FCGR2A: variants seen among roughly 807,000 people sequenced by gnomAD.
FCGR2A encodes the protein low affinity immunoglobulin gamma Fc region receptor II-a.
Under a neutral mutation model 29.3 loss-of-function variants are expected in FCGR2A, and 18 were observed. That is an observed-to-expected ratio of 0.62 (90% CI 0.43 to 0.91). The LOEUF is 0.91. FCGR2A is among the 40% of genes least tolerant of loss of function. The pLI, the probability that FCGR2A is intolerant of heterozygous loss-of-function variation, is 0.00. For synonymous variants in FCGR2A, 126 were observed against 144.8 expected, an observed-to-expected ratio of 0.87 and a Z score of 0.93; for missense variants, 287 against 393.0, an observed-to-expected ratio of 0.73 and a Z score of 2.28.
chr1:161,508,541 C>T (rs1021839769), intron 3 of FCGR2A, among the ~76,000 whole-genome samples: 2 of 149,766 alleles, frequency 1.3e-5, no homozygotes, highest in Admixed American at 6.7e-5. Flanking sequence ...GAGCCGAGAT[C>T]GCGCCATTCC....
At chr1:161,506,060 G>T in intron 2 of FCGR2A, 53 bp downstream of exon 2, 4 of 1,581,132 alleles carry the variant, frequency 2.5e-6, no homozygotes, top group Non-Finnish European at 3.5e-6. Context: ...CTCATAATAT[G>T]ATGCTGTGTT....
intron 6 of FCGR2A, among the ~76,000 whole-genome samples, chr1:161,516,762 G>T (rs1159082099): frequency 6.9e-6 from 1 of 145,854 alleles, no homozygotes; most frequent in South Asian, 2.2e-4. Flanking sequence ...CATTTTCTTT[G>T]AAGTTTTATT....
At position 161,506,437 on chromosome 1, in the gene FCGR2A, C is replaced by G. The variant is rs148868087; in HGVS notation, c.210C>G (p.Ser70Arg). ...GCCAGGGGGCTCGCAGCCCTGAGAG[C>G]GACTCCATTCAGTGGTTCCACAATG... is the stretch of plus-strand genomic sequence containing the variant. ...LTCQGARSPE[S>R]DSIQWFHNGN... Residue 70 changes from serine (S) to arginine (R), a missense_variant, in exon 3 of 7, where the codon AGC becomes AGG. Transcript: ENST00000271450. The G allele has an allele frequency of 3.4e-5, 55 of 1,614,080 alleles. No homozygotes were observed. Among genetic ancestry groups the G allele is most frequent in the Non-Finnish European group, 4.6e-5 (54 of 1,180,034 alleles).
downstream of FCGR2A, among the ~76,000 whole-genome samples, chr1:161,521,226 C>T (rs1489267876): frequency 2.6e-5 from 4 of 151,868 alleles, no homozygotes; most frequent in African/African-American, 9.7e-5. Flanking sequence ...TTCCCCACTC[C>T]TCTCATTAGA....
At chr1:161,515,197 A>T (rs952729980) in intron 6 of FCGR2A, among the ~76,000 whole-genome samples, 2 of 151,988 alleles carry the variant, frequency 1.3e-5, no homozygotes, top group Non-Finnish European at 2.9e-5. Flanking sequence ...AGAATGATTT[A>T]AAAAAATAGT....
At chr1:161,522,342 A>G (rs557694509), downstream of FCGR2A, among the ~76,000 whole-genome samples, 5 of 152,276 alleles carry the variant, frequency 3.3e-5, no homozygotes, top group South Asian at 8.3e-4. Flanking sequence ...GAAGAGATCA[A>G]TTAAAAAGAA....
At chr1:161,505,647 G>GA in intron 1 of FCGR2A, 95 bp downstream of exon 1, 1 of 993,412 alleles carries the variant, frequency 1.0e-6, no homozygotes. Flanking sequence ...CTGGGCCCTG[G>GA]AAGCAGGGGA....
At position 161,506,546 on chromosome 1, in the gene FCGR2A, G is replaced by A. The variant is rs1378057513; in HGVS notation, c.319G>A (p.Gly107Ser). 1.9e-6 allele frequency: 3 copies of A among 1,614,200 alleles called. No individual in the cohort carries two copies. Among genetic ancestry groups the A allele is most frequent in the Admixed American group, 3.3e-5 (2 of 60,028 alleles). ...NDSGEYTCQT[G>S]QTSLSDPVHL... Reference sequence around the variant, plus strand: ...CAGCGGGGAGTACACGTGCCAGACTGGCCAGACCAGCCTCAGCGACCCTGT... The same window carrying A: ...CAGCGGGGAGTACACGTGCCAGACTAGCCAGACCAGCCTCAGCGACCCTGT... The change falls in exon 3 of 7, where the codon GGC (glycine) becomes AGC (serine). Residue 107 changes from glycine to serine, a missense_variant. Around this residue, in one of 3 missense-constraint regions of FCGR2A, gnomAD observed 181 missense variants for 250.9 expected, o/e 0.72. Coordinates refer to ENST00000271450, the MANE Select transcript of FCGR2A (RefSeq NM_001136219.3).
At chr1:161,523,085 C>T (rs1262733597), downstream of FCGR2A, 1 of 152,114 alleles carries the variant, frequency 6.6e-6, no homozygotes, top group Non-Finnish European at 1.5e-5. Context: ...TAACACACTG[C>T]TAAATTGTAA....
intron 4 of FCGR2A, among the ~76,000 whole-genome samples, chr1:161,510,580 T>A (rs1675708836): frequency 6.6e-6 from 1 of 152,276 alleles, no homozygotes; most frequent in Non-Finnish European, 1.5e-5. Context: ...TCCTGCATGC[T>A]CACCAGTGTG....
intron 3 of FCGR2A, 43 bp from the exon 4 acceptor site, chr1:161,509,777 A>G (rs1200956195): frequency 1.9e-6 from 3 of 1,611,966 alleles, no homozygotes; most frequent in Non-Finnish European, 1.7e-6. Context: ...AACCCTTGGA[A>G]TCTATCCTTA....
chr1:161,521,501 T>TTATATA (rs11414193), downstream of FCGR2A, among the ~76,000 whole-genome samples: 27 of 150,888 alleles, frequency 1.8e-4, 1 homozygote, highest in African/African-American at 5.4e-4. Context: ...TCACTGACTT[T>TTATATA]TATATATATA....
chr1:161,509,553 T>A (rs1447649449), intron 3 of FCGR2A, among the ~76,000 whole-genome samples: 1 of 152,258 alleles, frequency 6.6e-6, no homozygotes, highest in Non-Finnish European at 1.5e-5. Flanking sequence ...CTCATTTCTC[T>A]ACTCAAACGT....
At chr1:161,521,805 C>G (rs1571992735), downstream of FCGR2A, among the ~76,000 whole-genome samples, 1 of 152,202 alleles carries the variant, frequency 6.6e-6, no homozygotes, top group East Asian at 1.9e-4. Flanking sequence ...CCACGTGGAA[C>G]TGTAAGTCCA....
At chr1:161,510,108 G>A in intron 4 of FCGR2A, 34 bp downstream of exon 4, 1 of 1,610,988 alleles carries the variant, frequency 6.2e-7, no homozygotes, top group South Asian at 1.1e-5. Flanking sequence ...AGGGAGGGGA[G>A]AAGAGGGGAT....
intron 5 of FCGR2A, among the ~76,000 whole-genome samples, 169 bp from the exon 6 acceptor site, chr1:161,513,726 G>A (rs1675962746): frequency 2.6e-5 from 4 of 152,220 alleles, no homozygotes; most frequent in Admixed American, 2.6e-4. Context: ...TGACCCCAAG[G>A]GTGGGTACAT....
chr1:161,517,709 G>A (rs1676229577), intron 6 of FCGR2A, among the ~76,000 whole-genome samples: 2 of 152,016 alleles, frequency 1.3e-5, no homozygotes, highest in African/African-American at 4.8e-5. Context: ...TTGATTTTTA[G>A]TCTGTTCTGT....
In FCGR2A at chr1:161,518,162, G is replaced by A. The variant is rs776934694; in HGVS notation, c.*14G>A. 5.0e-6 allele frequency: 8 copies of A among 1,611,966 alleles called. No individual in the cohort carries two copies. In the African/African-American group the frequency reaches 1.1e-4, roughly 22 times the overall value. On this transcript the variant is annotated 3_prime_UTR_variant, in exon 7 of 7. Coordinates refer to ENST00000271450, the MANE Select transcript of FCGR2A (RefSeq NM_001136219.3). ...AGTAATAACTAAAGAGTAACGTTAT[G>A]CCATGTGGTCATACTCTCAGCTTGC...
intron 4 of FCGR2A, 89 bp from the exon 5 acceptor site, chr1:161,510,745 A>C: frequency 6.5e-7 from 1 of 1,526,734 alleles, no homozygotes; most frequent in Non-Finnish European, 9.0e-7. Flanking sequence ...GGGACATAGC[A>C]TTGGAGGTGG....
Sources: allele counts gnomAD v4.1 joint callset (sites outside exome capture counted in the v4.1 genomes callset), GRCh38; gene constraint gnomAD v4.1.1; regional missense constraint gnomAD v4.1.1; transcripts MANE v1.5; gene names NCBI Gene and HGNC (gene_info 2026-07-23, HGNC 2026-07-21).